The following SLC39A11 variants were observed in gnomAD, a reference collection of about 807,000 sequenced individuals.
SLC39A11 encodes solute carrier family 39 member 11.
In SLC39A11, 33 loss-of-function variants were observed where a neutral mutation model predicts 36.1. The ratio of observed to expected loss-of-function variants is 0.91; its 90% confidence interval spans 0.69 to 1.22. The LOEUF (loss-of-function observed/expected upper bound fraction) is 1.22. Ranked by LOEUF, SLC39A11 falls within the 50% of genes most tolerant of loss-of-function variation. The pLI, the probability that SLC39A11 is intolerant of heterozygous loss-of-function variation, is 0.00. For synonymous variants in SLC39A11, 166 were observed against 170.3 expected, an observed-to-expected ratio of 0.97 and a Z score of 0.20; for missense variants, 432 against 430.3, an observed-to-expected ratio of 1.00 and a Z score of -0.03.
chr17:72,648,946 G>A lies in SLC39A11; in HGVS notation c.786C>T (p.Ser262=), dbSNP rs1025877397. ...CCCCGGCCAGGGGCTCCACCATGCC[G>A]CTCAGCTGCCCATACCTAAGGAGAG... is the stretch of plus-strand genomic sequence containing the variant. ...TWRAFWYGQL[S]GMVEPLAGVF... Residue 262 remains serine, a synonymous_variant, in exon 9 of 10, where the codon AGC becomes AGT. Transcript: ENST00000255559. 18 of 1,612,396 alleles carry A rather than the reference G, an allele frequency of 1.1e-5. No homozygotes were observed. The highest frequency in any genetic ancestry group is 2.7e-5 in the African/African-American group (2 of 74,892).
Position 72,946,488 on chromosome 17 carries a change from T to C in SLC39A11, c.430+1264A>G, listed in dbSNP as rs558784096. Among the ~76,000 whole-genome samples, 7 of 152,334 alleles carry C rather than the reference T, an allele frequency of 4.6e-5. No individual in the cohort carries two copies. The East Asian group carries it at 7.7e-4, about 17-fold the overall frequency. On this transcript the variant is annotated intron_variant, in intron 5 of 9. Transcript: ENST00000255559. ...CTAAGGGGTAGAGATCATCTTAGCATAGAGATGGCAAAAAGATTCAATTAA... is the reference window on the plus strand; with the variant it reads ...CTAAGGGGTAGAGATCATCTTAGCACAGAGATGGCAAAAAGATTCAATTAA...
intron 3 of SLC39A11, among the ~76,000 whole-genome samples, chr17:73,052,625 C>A (rs1599041583): frequency 1.3e-5 from 2 of 152,102 alleles, no homozygotes; most frequent in East Asian, 3.8e-4. Context: ...CTGCAGAACA[C>A]ATTTATTTAG....
At chr17:72,729,085 C>A (rs2074047700) in intron 7 of SLC39A11, among the ~76,000 whole-genome samples, 2 of 152,008 alleles carry the variant, frequency 1.3e-5, no homozygotes, top group South Asian at 4.1e-4. Flanking sequence ...TATCTCCCCA[C>A]CTGCTCTCCC....
intron 2 of SLC39A11, among the ~76,000 whole-genome samples, chr17:73,086,278 T>C (rs2060725914): frequency 6.6e-6 from 1 of 151,854 alleles, no homozygotes; most frequent in Non-Finnish European, 1.5e-5. Flanking sequence ...GCAAACCTAA[T>C]AAAATGCACC....
At chr17:72,835,848 T>G (rs113428403) in intron 6 of SLC39A11, among the ~76,000 whole-genome samples, 1 of 152,212 alleles carries the variant, frequency 6.6e-6, no homozygotes, top group Non-Finnish European at 1.5e-5. Flanking sequence ...AAGACTCTCA[T>G]GATCTCACCT....
At chr17:72,944,731 C>G (rs914750288) in intron 5 of SLC39A11, among the ~76,000 whole-genome samples, 1 of 152,166 alleles carries the variant, frequency 6.6e-6, no homozygotes, top group African/African-American at 2.4e-5. Flanking sequence ...AGCAAAGCAT[C>G]AGAATTAACC....
Position 72,904,911 on chromosome 17 carries a change from C to A in SLC39A11, c.430+42841G>T, listed in dbSNP as rs182756461. 1.0e-3 allele frequency among the ~76,000 whole-genome samples: 153 copies of A among 152,196 alleles called. 1 individual carries two copies. The highest frequency in any genetic ancestry group is 3.6e-3 in the African/African-American group (149 of 41,528). On this transcript the variant is annotated intron_variant, in intron 5 of 9. Transcript: ENST00000255559. ...TAGCACGGCTGGGCACAGTGGCTCA[C>A]GCCTGTAATCCCAGCACTTTGGGAG...
intron 6 of SLC39A11, among the ~76,000 whole-genome samples, chr17:72,757,123 G>A (rs972725911): frequency 5.9e-5 from 9 of 151,888 alleles, no homozygotes; most frequent in African/African-American, 1.9e-4. Context: ...CCGAGATCAC[G>A]CCACTGCACT....
At chr17:72,779,750 G>C (rs766221787) in intron 6 of SLC39A11, among the ~76,000 whole-genome samples, 1 of 152,126 alleles carries the variant, frequency 6.6e-6, no homozygotes, top group African/African-American at 2.4e-5. Flanking sequence ...TGTGATCCCC[G>C]GACTTCTCAG....
chr17:72,764,022 C>T (rs2713980), intron 6 of SLC39A11, among the ~76,000 whole-genome samples: 118,146 of 151,826 alleles, frequency 0.78, 46,874 homozygotes, highest in African/African-American at 0.94. Flanking sequence ...GAATAAAGCT[C>T]GGTTTATCCA....
intron 4 of SLC39A11, among the ~76,000 whole-genome samples, chr17:72,997,993 A>G (rs2089614841): frequency 6.6e-6 from 1 of 152,264 alleles, no homozygotes; most frequent in Admixed American, 6.5e-5. Context: ...TGAGGTTGCA[A>G]AGATCTAAAC....
chr17:72,757,392 G>A (rs2075396492), intron 6 of SLC39A11, among the ~76,000 whole-genome samples: 1 of 152,118 alleles, frequency 6.6e-6, no homozygotes, highest in Admixed American at 6.5e-5. Context: ...TTCTCCTTCA[G>A]AGCTGCTCCC....
intron 6 of SLC39A11, among the ~76,000 whole-genome samples, chr17:72,785,500 CGAAGGGGAGAGAGGGCT>C (rs1030483562): frequency 1.3e-5 from 2 of 152,184 alleles, no homozygotes; most frequent in Non-Finnish European, 2.9e-5. Context: ...CCTCCATCTC[CGAAGGGGAGAGAGGGCT>C]GAAAGATGGT....
intron 7 of SLC39A11, among the ~76,000 whole-genome samples, chr17:72,687,494 C>T (rs2071814946): frequency 6.6e-6 from 1 of 152,212 alleles, no homozygotes; most frequent in African/African-American, 2.4e-5. Context: ...CCACCTGCCT[C>T]GACATCCCAA....
chr17:72,675,300 T>C (rs2071206847), intron 7 of SLC39A11, among the ~76,000 whole-genome samples: 1 of 152,128 alleles, frequency 6.6e-6, no homozygotes, highest in African/African-American at 2.4e-5. Context: ...GTTCTTCCAC[T>C]ATGTGAGGCT....
intron 5 of SLC39A11, among the ~76,000 whole-genome samples, chr17:72,896,192 C>CTTTTTTTT (rs771180987): frequency 4.0e-5 from 3 of 74,554 alleles, no homozygotes; most frequent in East Asian, 4.8e-4. Context: ...CACATTAATC[C>CTTTTTTTT]TTTTTTTTTT....
chr17:72,919,628 T>C (rs1428036891), intron 5 of SLC39A11, among the ~76,000 whole-genome samples: 2 of 136,942 alleles, frequency 1.5e-5, no homozygotes, highest in Non-Finnish European at 3.0e-5. Flanking sequence ...GCCGAGATCG[T>C]GCCACCGCAC....
At position 73,078,131 on chromosome 17, in the gene SLC39A11, G is replaced by A. The variant is rs979974626; in HGVS notation, c.147+6677C>T. ...CGTGCACCTGTAGTCCCAGCTACTC[G>A]GGAGGCTGAGGCAGGAGAATGGCAT... On this transcript the variant is annotated intron_variant, in intron 3 of 9. Transcript: ENST00000255559. Among the ~76,000 whole-genome samples the A allele has an allele frequency of 5.3e-5, 8 of 151,858 alleles. No individual in the cohort carries two copies. The East Asian group carries it at 1.6e-3, about 30-fold the overall frequency.
chr17:73,064,169 A>T (rs1568214526), intron 3 of SLC39A11, among the ~76,000 whole-genome samples: 5 of 152,172 alleles, frequency 3.3e-5, no homozygotes, highest in Admixed American at 3.3e-4. Context: ...TGTCAGACAC[A>T]CAATTCTCAC....
Sources: gnomAD v4.1 joint callset for allele counts (sites outside exome capture counted in the v4.1 genomes callset) on GRCh38, gnomAD v4.1.1 for gene constraint, MANE v1.5 for transcripts, NCBI Gene and HGNC (gene_info 2026-07-23, HGNC 2026-07-21) for gene names.